Variants in HNRNPM observed in about 807,000 individuals in gnomAD.
The protein encoded by HNRNPM is CEA receptor.
HNRNPM carries 11 observed loss-of-function variants against 73.1 expected under a neutral mutation model. The ratio of observed to expected loss-of-function variants is 0.15; its 90% CI spans 0.09 to 0.25. The LOEUF (loss-of-function observed/expected upper bound fraction) is 0.25. Ranked by LOEUF, HNRNPM falls within the 10% of genes least tolerant of loss-of-function variation. The probability of loss-of-function intolerance (pLI) is 1.00; values close to 1 mark genes in which losing one functional copy is unlikely to be tolerated. For synonymous variants in HNRNPM, 407 were observed against 355.2 expected, an observed-to-expected ratio of 1.15 and a Z score of -1.64; for missense variants, 789 against 1,067.9, an observed-to-expected ratio of 0.74 and a Z score of 3.64.
Position 8,462,915 on chromosome 19 carries a change from C to T in HNRNPM, c.336+334C>T, listed in dbSNP as rs1435533436. Among the ~76,000 whole-genome samples the T allele has an allele frequency of 2.0e-5, 3 of 152,094 alleles. No individual in the cohort carries two copies. The highest frequency in any genetic ancestry group is 7.2e-5 in the African/African-American group (3 of 41,392). On this transcript the variant is annotated intron_variant, in intron 3 of 15. Transcript: ENST00000325495. This position sits in a 1 kb window ranked among gnomAD's most constrained non-coding sequence, Gnocchi z 4.5. ...TAGCGGTGGTATAATTAATGTAAAA[C>T]GTGTGTTCTTGTCTAGAAAATGTTA...
intron 1 of HNRNPM, among the ~76,000 whole-genome samples, chr19:8,448,134 T>A (rs1168529140): frequency 1.3e-5 from 2 of 152,212 alleles, no homozygotes; most frequent in Non-Finnish European, 2.9e-5. Context: ...TGAAAGCCTT[T>A]GAGAGACAGG....
Position 8,486,202 on chromosome 19 carries a change from A to G in HNRNPM, c.1774A>G (p.Met592Val). 1 of 1,578,886 alleles carries G rather than the reference A, an allele frequency of 6.3e-7. No homozygotes were observed. Among genetic ancestry groups the G allele is most frequent in the South Asian group, 1.1e-5 (1 of 87,774 alleles). Residue 592 changes from methionine to valine, a missense_variant, in exon 14 of 16, where the codon ATG (methionine) becomes GTG (valine). Met to Val is a conservative substitution (Grantham distance 21). Around this residue, in one of 4 missense-constraint regions of HNRNPM, gnomAD observed 604 missense variants for 744.0 expected, o/e 0.81. Transcript: ENST00000325495. ...ERMGANSLER[M>V]GPAMGPALGA... ...CATGGGTGCCAACAGCCTCGAGCGCATGGGCCCTGCCATGGGCCCGGCCCT... is the reference window on the plus strand; with the variant it reads ...CATGGGTGCCAACAGCCTCGAGCGCGTGGGCCCTGCCATGGGCCCGGCCCT...
At chr19:8,454,265 C>T (rs1051896957) in intron 1 of HNRNPM, among the ~76,000 whole-genome samples, 17 of 152,300 alleles carry the variant, frequency 1.1e-4, no homozygotes, top group African/African-American at 3.9e-4. Context: ...CAGGTAACCT[C>T]TGTTCTACTT....
chr19:8,450,683 T>C (rs555361789), intron 1 of HNRNPM, among the ~76,000 whole-genome samples: 3 of 151,280 alleles, frequency 2.0e-5, no homozygotes, highest in African/African-American at 4.8e-5. Context: ...ATTACAGGCA[T>C]TAATCGTATT....
intron 1 of HNRNPM, among the ~76,000 whole-genome samples, chr19:8,454,655 G>A (rs1012461455): frequency 3.3e-5 from 5 of 149,728 alleles, no homozygotes; most frequent in Non-Finnish European, 7.4e-5. Flanking sequence ...CTTTTCCATG[G>A]CGGCTGCATC....
At position 8,488,802 on chromosome 19, in the gene HNRNPM, G is replaced by A; in HGVS notation, c.2141G>A (p.Gly714Asp). The A allele has an allele frequency of 6.2e-7, 1 of 1,614,186 alleles. No homozygotes were observed. The highest frequency in any genetic ancestry group is 8.5e-7 in the Non-Finnish European group (1 of 1,180,034). The change falls in exon 16 of 16, where the codon GGC becomes GAC. Residue 714 changes from glycine (G) to aspartate (D), a missense_variant. This residue lies in a region of HNRNPM where 43 missense variants were observed against 105.8 expected (regional missense o/e 0.41). Transcript: ENST00000325495. ...VAERACRMMNGMKLSGREIDV... is the reference protein window; with the variant it reads ...VAERACRMMNDMKLSGREIDV... The stretch of plus-strand genomic sequence containing the variant: ...GAGAGAGCCTGCCGGATGATGAATG[G>A]CATGAAGCTGAGTGGCCGAGAGATT...
At chr19:8,488,633 C>A in intron 15 of HNRNPM, 58 bp from the exon 16 acceptor site, 1 of 1,532,272 alleles carries the variant, frequency 6.5e-7, no homozygotes, top group Non-Finnish European at 8.9e-7. Context: ...TGACTCTGTC[C>A]ACCAAAATCT....
rs997565935 is a variant in HNRNPM, at chr19:8,456,896, T to C, written c.283+1322T>C. 2.6e-5 allele frequency among the ~76,000 whole-genome samples: 4 copies of C among 152,172 alleles called. No individual in the cohort carries two copies. In the East Asian group the frequency reaches 7.7e-4, roughly 29 times the overall value. On this transcript the variant is annotated intron_variant, in intron 2 of 15. Coordinates refer to ENST00000325495, the MANE Select transcript of HNRNPM (RefSeq NM_005968.5). ...TAGGGCAAGAGTGCAGTTTCTTCTT[T>C]TTGTCTGAGGGTGTGTCATGCTGCA...
intron 15 of HNRNPM, chr19:8,487,553 A>G: frequency 6.1e-6 from 1 of 163,612 alleles, no homozygotes; most frequent in East Asian, 1.8e-4. Context: ...GTTTCCTGGC[A>G]CATCGGGCAA....
At chr19:8,485,357 G>C (rs944915812) in intron 13 of HNRNPM, among the ~76,000 whole-genome samples, 1 of 152,192 alleles carries the variant, frequency 6.6e-6, no homozygotes, top group South Asian at 2.1e-4. Flanking sequence ...ACACATACAG[G>C]GGTGTTCTTT....
At position 8,486,394 on chromosome 19, in the gene HNRNPM, T is replaced by C; in HGVS notation, c.1966T>C (p.Phe656Leu). The C allele has an allele frequency of 6.4e-7, 1 of 1,565,390 alleles. No individual in the cohort carries two copies. Among genetic ancestry groups the C allele is most frequent in the Non-Finnish European group, 8.6e-7 (1 of 1,162,272 alleles). The change falls in exon 14 of 16, where the codon TTT becomes CTT. Residue 656 changes from phenylalanine (F) to leucine (L), a missense_variant. Phe to Leu is a conservative substitution (Grantham distance 22, BLOSUM62 0). Transcript: ENST00000325495. Reference sequence around the variant, plus strand: ...GGTGGCCAGGAAGGCCTGCCAGATATTTGTGAGAAATGTAAGTGGCTCTTG... The same window carrying C: ...GGTGGCCAGGAAGGCCTGCCAGATACTTGTGAGAAATGTAAGTGGCTCTTG... ...PGVARKACQI[F>L]VRNLPFDFTW...
chr19:8,485,951 T>C lies in HNRNPM; in HGVS notation c.1523T>C (p.Ile508Thr). 1 of 1,605,430 alleles carries C rather than the reference T, an allele frequency of 6.2e-7. No homozygotes were observed. The highest frequency in any genetic ancestry group is 1.1e-5 in the South Asian group (1 of 90,994). The change falls in exon 14 of 16, where the codon ATT becomes ACT. Residue 508 changes from isoleucine to threonine, a missense_variant. Physicochemically the swap from Ile to Thr is moderately conservative, Grantham distance 89 (BLOSUM62 -1). Coordinates refer to ENST00000325495, the MANE Select transcript of HNRNPM (RefSeq NM_005968.5). ...CCCATCGACCGTGTGGGCCAGACCA[T>C]TGAGCGCATGGGCTCTGGCGTGGAG... ...AAPIDRVGQT[I>T]ERMGSGVERM...
chr19:8,485,742 C>T lies in HNRNPM; in HGVS notation c.1314C>T (p.Gly438=), dbSNP rs1339355017. The change falls in exon 14 of 16, where the codon GGC becomes GGT. Residue 438 remains glycine (G), a synonymous_variant. Coordinates refer to ENST00000325495, the MANE Select transcript of HNRNPM (RefSeq NM_005968.5). ...TGGGCTCCGAGATCGAGCGCATGGG[C>T]CTGGTCATGGACCGCATGGGCTCCG... ...DRVGSEIERM[G]LVMDRMGSVE... The T allele has an allele frequency of 1.9e-6, 3 of 1,605,558 alleles. No homozygotes were observed. In the South Asian group the frequency reaches 3.3e-5, roughly 18 times the overall value.
At chr19:8,487,152 C>G (rs138493569) in intron 15 of HNRNPM, 77 bp downstream of exon 15, 1 of 1,197,930 alleles carries the variant, frequency 8.3e-7, no homozygotes, top group Admixed American at 1.7e-5. Context: ...GCAAAACCTC[C>G]CTCCCAGCCC....
chr19:8,479,078 C>CTTTTTTTTTTTTTT (rs74176651), intron 12 of HNRNPM, among the ~76,000 whole-genome samples: 13 of 73,832 alleles, frequency 1.8e-4, no homozygotes, highest in South Asian at 1.0e-3. Context: ...TTCTTTCTTT[C>CTTTTTTTTTTTTTT]TTTTTTTTTT....
chr19:8,448,533 C>T (rs1338252028), intron 1 of HNRNPM, among the ~76,000 whole-genome samples: 4 of 146,874 alleles, frequency 2.7e-5, no homozygotes, highest in African/African-American at 7.6e-5. Context: ...TGCAGTGGCG[C>T]GATCTCAGCT....
intron 2 of HNRNPM, among the ~76,000 whole-genome samples, chr19:8,458,434 A>T (rs1434989154): frequency 6.6e-6 from 1 of 152,246 alleles, no homozygotes; most frequent in Non-Finnish European, 1.5e-5. Flanking sequence ...TTAGGCTTTT[A>T]AACTTAGTGT....
intron 12 of HNRNPM, among the ~76,000 whole-genome samples, chr19:8,478,838 A>G (rs748494227): frequency 2.2e-4 from 33 of 152,214 alleles, no homozygotes; most frequent in Non-Finnish European, 2.9e-4. Context: ...GCGTGTTTCA[A>G]AGCCCTGCTA....
intron 7 of HNRNPM, among the ~76,000 whole-genome samples, chr19:8,467,031 A>C (rs952590640): frequency 6.6e-6 from 1 of 152,022 alleles, no homozygotes; most frequent in Non-Finnish European, 1.5e-5. Flanking sequence ...TGTGTAATAC[A>C]TCCTTATAGG....
Sources: allele counts gnomAD v4.1 joint callset (sites outside exome capture counted in the v4.1 genomes callset), GRCh38; gene constraint gnomAD v4.1.1; regional missense constraint gnomAD v4.1.1; non-coding constraint Gnocchi (gnomAD v3.1); transcripts MANE v1.5; gene names NCBI Gene and HGNC (gene_info 2026-07-23, HGNC 2026-07-21).